RPS6KA4: variants seen among roughly 807,000 people sequenced by gnomAD.
RPS6KA4 encodes the protein ribosomal protein S6 kinase alpha-4.
RPS6KA4 carries 38 observed loss-of-function variants against 89.6 expected under a neutral mutation model. The observed-to-expected ratio is 0.42, with a 90% CI of 0.33 to 0.56. The LOEUF (loss-of-function observed/expected upper bound fraction) is 0.56, where lower values mean the gene tolerates loss of function less well. Ranked by LOEUF, RPS6KA4 falls within the 20% of genes least tolerant of loss-of-function variation. The pLI is 0.07. For synonymous variants in RPS6KA4, 495 were observed against 492.8 expected (o/e 1.00, Z -0.06); for missense variants, 873 against 1,098.8 (o/e 0.79, Z 2.90).
In RPS6KA4 at chr11:64,370,675, GCTCGAGTC is replaced by G; in HGVS notation, c.2074_2081del (p.Glu692TrpfsTer109). ...CGCCCCCGCTCCGGACGCCCGACGT[GCTCGAGTC>G]CTCTGGGCCCGCAGTGCGCTCGGGT... On this transcript the variant is annotated frameshift_variant, in exon 16 of 17. Transcript: ENST00000334205. LOFTEE classifies it high-confidence loss of function. This position sits in a 1 kb window ranked among gnomAD's most constrained non-coding sequence, Gnocchi z 4.1. The G allele has an allele frequency of 6.4e-7, 1 of 1,572,312 alleles. No homozygotes were observed. Among genetic ancestry groups the G allele is most frequent in the Non-Finnish European group, 8.6e-7 (1 of 1,165,272 alleles).
chr11:64,369,415 T>TGTTG, intron 12 of RPS6KA4, 31 bp from the exon 13 acceptor site: 1 of 1,551,374 alleles, frequency 6.4e-7, no homozygotes, highest in Non-Finnish European at 8.7e-7. Flanking sequence ...CGTGGGTGGG[T>TGTTG]GTTGACCTTG....
intron 9 of RPS6KA4, 55 bp from the exon 10 acceptor site, chr11:64,368,077 A>T: frequency 6.3e-7 from 1 of 1,591,860 alleles, no homozygotes; most frequent in Non-Finnish European, 8.6e-7. Context: ...GAGTCTCCTC[A>T]CCCGCACCCC....
chr11:64,359,331 G>T, intron 1 of RPS6KA4, 41 bp downstream of exon 1: 1 of 1,608,620 alleles, frequency 6.2e-7, no homozygotes, highest in South Asian at 1.1e-5. Flanking sequence ...GGGCAGGCCG[G>T]GACGGGTCAT....
intron 2 of RPS6KA4, chr11:64,359,657 C>A: frequency 1.7e-6 from 1 of 596,872 alleles, no homozygotes; most frequent in South Asian, 2.0e-5. Flanking sequence ...CCTCCACGGT[C>A]CTGTGCGTGC....
chr11:64,361,284 T>G lies in RPS6KA4; in HGVS notation c.570+43T>G. On this transcript the variant is annotated intron_variant, in intron 5 of 16. Transcript: ENST00000334205. This position sits in a 1 kb window ranked among gnomAD's most constrained non-coding sequence, Gnocchi z 4.7. ...CTGCCTGCAGTGCCCCATTCAATCC[T>G]TCTCCTTCCTGCCTCTTCCTGCTCT... 6.4e-7 allele frequency: 1 copy of G among 1,558,306 alleles called. No individual in the cohort carries two copies. The highest frequency in any genetic ancestry group is 8.8e-7 in the Non-Finnish European group (1 of 1,132,396).
chr11:64,371,202 G>C (rs2037062628), intron 16 of RPS6KA4, 81 bp from the exon 17 acceptor site: 1 of 1,428,862 alleles, frequency 7.0e-7, no homozygotes, highest in East Asian at 2.3e-5. Flanking sequence ...CTGGAGGCAA[G>C]GTCTGGGAAT....
rs757132982 is a variant in RPS6KA4, at chr11:64,361,088, G to A, written c.463-46G>A. On this transcript the variant is annotated intron_variant, in intron 4 of 16. Coordinates refer to ENST00000334205, the MANE Select transcript of RPS6KA4 (RefSeq NM_003942.3). This position sits in a 1 kb window ranked among gnomAD's most constrained non-coding sequence, Gnocchi z 4.7. ...AGGGCCAGGAGCTGGAGGAGCTGGG[G>A]AGGGTTTCGGGGAGGAAGCCTCAGC... is the stretch of plus-strand genomic sequence containing the variant. 6.5e-7 allele frequency: 1 copy of A among 1,542,910 alleles called. No individual in the cohort carries two copies. The highest frequency in any genetic ancestry group is 2.2e-5 in the East Asian group (1 of 44,468).
At chr11:64,363,735 C>T (rs2135332479) in intron 8 of RPS6KA4, among the ~76,000 whole-genome samples, 1 of 152,170 alleles carries the variant, frequency 6.6e-6, no homozygotes, top group East Asian at 1.9e-4. Flanking sequence ...CGTGATCTGC[C>T]CGCCTTAGCC....
chr11:64,361,957 G>A lies in RPS6KA4; in HGVS notation c.861G>A (p.Ala287=), dbSNP rs761353665. Residue 287 remains alanine, a synonymous_variant, in exon 8 of 17, where the codon GCG becomes GCA. Coordinates refer to ENST00000334205, the MANE Select transcript of RPS6KA4 (RefSeq NM_003942.3). The surrounding 1 kb of genome is among the most constrained non-coding windows in gnomAD (Gnocchi z 4.7). ...AGGATCCTAAGAAGCGATTGGGCGCGGGGCCCCAGGGGGCACAAGAAGTCC... is the reference window on the plus strand; with the variant it reads ...AGGATCCTAAGAAGCGATTGGGCGCAGGGCCCCAGGGGGCACAAGAAGTCC... ...LCKDPKKRLG[A]GPQGAQEVRN... is the part of the protein sequence containing the mutation. The A allele has an allele frequency of 6.1e-5, 98 of 1,609,664 alleles. 1 individual carries two copies. The highest frequency in any genetic ancestry group is 7.3e-5 in the Non-Finnish European group (86 of 1,178,858).
chr11:64,369,947 C>T, intron 14 of RPS6KA4, 54 bp downstream of exon 14: 3 of 1,444,932 alleles, frequency 2.1e-6, no homozygotes, highest in African/African-American at 2.9e-5. Flanking sequence ...CTGGCGTCTT[C>T]CTGATGTGCA....
At position 64,371,783 on chromosome 11, in the gene RPS6KA4, C is replaced by A. The variant is rs1163729844; in HGVS notation, c.*303C>A. The A allele has an allele frequency of 3.3e-6, 1 of 302,272 alleles. No individual in the cohort carries two copies. The highest frequency in any genetic ancestry group is 6.6e-5 in the East Asian group (1 of 15,140). The allele number at this position is 302,272 out of a possible 1,614,324, so 18.7% of individuals were successfully genotyped here. ...GGGGGACTGCTCCAACAGGAAAGAG[C>A]CCCTCCCCCACTTCTAAGCACTGAG... On this transcript the variant is annotated 3_prime_UTR_variant, in exon 17 of 17. Transcript: ENST00000334205.
chr11:64,359,279 G>T lies in RPS6KA4; in HGVS notation c.44G>T (p.Arg15Leu). Reference sequence around the variant, plus strand: ...GATGAGAGCTGCGCCGTGGAGCTGCGGATCACAGAAGGTGGGTGTGGGGCC... The same window carrying T: ...GATGAGAGCTGCGCCGTGGAGCTGCTGATCACAGAAGGTGGGTGTGGGGCC... ...DDDESCAVEL[R>L]ITEANLTGHE... is the part of the protein sequence containing the mutation. The change falls in exon 1 of 17, where the codon CGG becomes CTG. Residue 15 changes from arginine to leucine, a missense_variant. Physicochemically the swap from Arg to Leu is moderately radical, Grantham distance 102. Around this residue, in one of 4 missense-constraint regions of RPS6KA4, gnomAD observed 49 missense variants for 51.9 expected, o/e 0.94. Coordinates refer to ENST00000334205, the MANE Select transcript of RPS6KA4 (RefSeq NM_003942.3). 6.4e-7 allele frequency: 1 copy of T among 1,565,648 alleles called. No homozygotes were observed.
rs767588985 is a variant in RPS6KA4, at chr11:64,361,458, T to C, written c.571-11T>C. On this transcript the variant is annotated splice_polypyrimidine_tract_variant and intron_variant, in intron 5 of 16. Transcript: ENST00000334205. The surrounding 1 kb of genome is among the most constrained non-coding windows in gnomAD (Gnocchi z 4.7). The stretch of plus-strand genomic sequence containing the variant: ...GTTTCGACATCTAAGCAGGACCTCT[T>C]GCCCTCCCAGAAAGAGCGGACCTTC... 1.9e-6 allele frequency: 3 copies of C among 1,613,924 alleles called. No homozygotes were observed. The highest frequency in any genetic ancestry group is 8.5e-7 in the Non-Finnish European group (1 of 1,179,978).
Position 64,361,728 on chromosome 11 carries a change from G to A in RPS6KA4, c.738G>A (p.Thr246=), listed in dbSNP as rs56412745. 27 of 1,606,688 alleles carry A rather than the reference G, an allele frequency of 1.7e-5. No individual in the cohort carries two copies. Among genetic ancestry groups the A allele is most frequent in the Non-Finnish European group, 2.2e-5 (26 of 1,177,814 alleles). ...TCACCCTGGAGGGCGAGAGGAACAC[G>A]CAGGCTGAGGTGTCTCGGTGAGTAG... is the stretch of plus-strand genomic sequence containing the variant. ...SPFTLEGERN[T]QAEVSRRILK... is the part of the protein sequence containing the mutation. Residue 246 remains threonine (T), a synonymous_variant, in exon 7 of 17, where the codon ACG becomes ACA. Transcript: ENST00000334205. The surrounding 1 kb of genome is among the most constrained non-coding windows in gnomAD (Gnocchi z 4.7).
At position 64,368,425 on chromosome 11, in the gene RPS6KA4, T is replaced by A. The variant is rs758986273; in HGVS notation, c.1201-43T>A. 27 of 1,544,428 alleles carry A rather than the reference T, an allele frequency of 1.7e-5. No individual in the cohort carries two copies. In the African/African-American group the frequency reaches 3.6e-4, roughly 20 times the overall value. ...GGCCGCGGGGCTACCAGGTGGGACC[T>A]CTGACGCGCCGCCTTCGCCTTCGCC... On this transcript the variant is annotated intron_variant, in intron 10 of 16. Coordinates refer to ENST00000334205, the MANE Select transcript of RPS6KA4 (RefSeq NM_003942.3).
intron 8 of RPS6KA4, 91 bp downstream of exon 8, chr11:64,362,093 T>C: frequency 7.0e-7 from 1 of 1,425,510 alleles, no homozygotes; most frequent in African/African-American, 1.5e-5. Context: ...AGTTTCACTT[T>C]ATTTGGAAAT....
chr11:64,368,956 G>A (rs1242964396), intron 12 of RPS6KA4, among the ~76,000 whole-genome samples, 159 bp downstream of exon 12: 2 of 152,108 alleles, frequency 1.3e-5, no homozygotes, highest in Non-Finnish European at 2.9e-5. Flanking sequence ...TTTGAGGGGA[G>A]TAGGGCCTGA....
In RPS6KA4 at chr11:64,361,786, G is replaced by A. The variant is rs368199556; in HGVS notation, c.755+41G>A. ...CGTGGAGGGCGGCCAGAGGGCTGCA[G>A]GGCCTGCCTGGGCAGGGCTGTGGGT... is the stretch of plus-strand genomic sequence containing the variant. On this transcript the variant is annotated intron_variant, in intron 7 of 16. Coordinates refer to ENST00000334205, the MANE Select transcript of RPS6KA4 (RefSeq NM_003942.3). This position sits in a 1 kb window ranked among gnomAD's most constrained non-coding sequence, Gnocchi z 4.7. The A allele has an allele frequency of 6.3e-7, 1 of 1,585,664 alleles. No homozygotes were observed. Among genetic ancestry groups the A allele is most frequent in the Non-Finnish European group, 8.6e-7 (1 of 1,168,512 alleles).
chr11:64,368,804 G>T lies in RPS6KA4; in HGVS notation c.1428+7G>T. 3 of 1,559,334 alleles carry T rather than the reference G, an allele frequency of 1.9e-6. No individual in the cohort carries two copies. Among genetic ancestry groups the T allele is most frequent in the Non-Finnish European group, 1.7e-6 (2 of 1,151,572 alleles). ...CGAGGTGCATCACGACCAGGTGATG[G>T]CTTCCGGCCAGGGGAGGGCGGAGAG... On this transcript the variant is annotated splice_region_variant and intron_variant, in intron 12 of 16. Transcript: ENST00000334205.
Sources: allele counts gnomAD v4.1 joint callset (sites outside exome capture counted in the v4.1 genomes callset), GRCh38; gene constraint gnomAD v4.1.1; regional missense constraint gnomAD v4.1.1; non-coding constraint Gnocchi (gnomAD v3.1); transcripts MANE v1.5; gene names NCBI Gene and HGNC (gene_info 2026-07-23, HGNC 2026-07-21).